SYT15B: variants seen among roughly 807,000 people sequenced by gnomAD.
SYT15B encodes the protein synaptotagmin 15B, also known as synaptotagmin-15.
the SYT15B span, among the ~76,000 whole-genome samples, chr10:47,755,253 C>A: frequency 6.6e-6 from 1 of 150,566 alleles, no homozygotes; most frequent in East Asian, 2.0e-4. Flanking sequence ...CCGCACCCAG[C>A]CAACCTCTTT....
the SYT15B span, chr10:47,753,206 C>A: frequency 1.1e-6 from 1 of 915,174 alleles, no homozygotes; most frequent in Non-Finnish European, 1.3e-6. Flanking sequence ...AACGTGTTGA[C>A]GTGCAGGCTG....
the SYT15B span, among the ~76,000 whole-genome samples, chr10:47,761,974 C>T: frequency 7.4e-6 from 1 of 135,900 alleles, no homozygotes. Flanking sequence ...ATCAAACCTG[C>T]CCTCACCAGA....
the SYT15B span, among the ~76,000 whole-genome samples, chr10:47,746,597 G>T: frequency 9.4e-6 from 1 of 105,990 alleles, no homozygotes; most frequent in Non-Finnish European, 2.0e-5. Flanking sequence ...AGAATCACTT[G>T]AACCTGGGAG....
chr10:47,757,445 TG>T, the SYT15B span: 1 of 603,140 alleles, frequency 1.7e-6, no homozygotes, highest in African/African-American at 2.4e-5. Context: ...CACACCCGCA[TG>T]GTCCCCTTTG....
At chr10:47,755,257 C>T in the SYT15B span, among the ~76,000 whole-genome samples, 44 of 149,550 alleles carry the variant, frequency 2.9e-4, no homozygotes, top group East Asian at 8.1e-3. Flanking sequence ...ACCCAGCCAA[C>T]CTCTTTTTTT....
At chr10:47,756,800 T>C in the SYT15B span, among the ~76,000 whole-genome samples, 5 of 148,384 alleles carry the variant, frequency 3.4e-5, no homozygotes, top group African/African-American at 9.9e-5. Flanking sequence ...CAAGCATCAG[T>C]GCCCATTGAG....
the SYT15B span, among the ~76,000 whole-genome samples, chr10:47,762,316 C>G: frequency 1.3e-5 from 2 of 150,426 alleles, no homozygotes; most frequent in Non-Finnish European, 3.0e-5. Flanking sequence ...TGCTCAGACG[C>G]TGGGTTCCAA....
the SYT15B span, among the ~76,000 whole-genome samples, chr10:47,748,437 T>G: frequency 6.6e-6 from 1 of 151,826 alleles, no homozygotes; most frequent in Non-Finnish European, 1.5e-5. Context: ...GGTCTCAAAC[T>G]TCTGACCTCA....
chr10:47,755,319 G>A, the SYT15B span, among the ~76,000 whole-genome samples: 22 of 151,750 alleles, frequency 1.4e-4, no homozygotes, highest in Middle Eastern at 3.4e-3. Flanking sequence ...GCAGTGGTGC[G>A]ATCTCGGCTC....
At chr10:47,753,126 A>T in the SYT15B span, 554 of 980,776 alleles carry the variant, frequency 5.6e-4, no homozygotes, top group Non-Finnish European at 6.3e-4. Context: ...TAAAATAAAA[A>T]AAAAAAAGAA....
chr10:47,746,961 G>A, the SYT15B span, among the ~76,000 whole-genome samples: 1 of 124,084 alleles, frequency 8.1e-6, no homozygotes, highest in African/African-American at 3.0e-5. Flanking sequence ...TTCTGCTTGA[G>A]GCAGACCAAC....
At chr10:47,746,192 T>TA in the SYT15B span, among the ~76,000 whole-genome samples, 19 of 93,156 alleles carry the variant, frequency 2.0e-4, no homozygotes, top group African/African-American at 6.7e-4. Flanking sequence ...CCGTTTCTAC[T>TA]AAAAAATACA....
chr10:47,745,898 C>G, the SYT15B span, among the ~76,000 whole-genome samples: 5 of 151,232 alleles, frequency 3.3e-5, no homozygotes, highest in East Asian at 1.0e-3. Context: ...TATTGGATGA[C>G]ACAACATAAG....
the SYT15B span, among the ~76,000 whole-genome samples, chr10:47,749,011 CTGTT>C: frequency 3.3e-5 from 3 of 89,950 alleles, no homozygotes; most frequent in Admixed American, 1.5e-4. Context: ...AGCAGGCAGA[CTGTT>C]TGAGCTCTGG....
chr10:47,744,807 A>G, the SYT15B span, among the ~76,000 whole-genome samples: 1 of 151,886 alleles, frequency 6.6e-6, no homozygotes, highest in Non-Finnish European at 1.5e-5. Flanking sequence ...CTGGGATAAA[A>G]TCTAGGGCAT....
the SYT15B span, among the ~76,000 whole-genome samples, chr10:47,761,805 ATGC>A: frequency 7.5e-6 from 1 of 133,974 alleles, no homozygotes; most frequent in East Asian, 2.4e-4. Context: ...TCCGGGAGGG[ATGC>A]TGCTGGCTAG....
chr10:47,747,161 GC>G, the SYT15B span, among the ~76,000 whole-genome samples: 1 of 151,164 alleles, frequency 6.6e-6, no homozygotes, highest in Non-Finnish European at 1.5e-5. Flanking sequence ...TAGCTAAGAG[GC>G]CGAGCATTTG....
chr10:47,747,219 G>C, the SYT15B span, among the ~76,000 whole-genome samples: 1 of 152,042 alleles, frequency 6.6e-6, no homozygotes, highest in Non-Finnish European at 1.5e-5. Context: ...AGAGTCTTCA[G>C]CTGGAGAGAC....
the SYT15B span, among the ~76,000 whole-genome samples, chr10:47,755,207 G>A: frequency 2.6e-5 from 4 of 151,360 alleles, no homozygotes; most frequent in Admixed American, 1.3e-4. Context: ...CACCCCTCTC[G>A]GTCTCCCAAA....
Sources: gnomAD v4.1 joint callset for allele counts (sites outside exome capture counted in the v4.1 genomes callset) on GRCh38, gnomAD v4.1.1 for gene constraint, MANE v1.5 for transcripts, NCBI Gene and HGNC (gene_info 2026-07-23, HGNC 2026-07-21) for gene names.